Variants in HS1BP3 observed in about 807,000 individuals in gnomAD.
HS1BP3 encodes HCLS1 binding protein 3.
A neutral mutation model predicts 33.5 loss-of-function variants in HS1BP3; 32 were observed. The ratio of observed to expected loss-of-function variants is 0.95; its 90% confidence interval spans 0.72 to 1.28. The LOEUF (loss-of-function observed/expected upper bound fraction) is 1.28. Ranked by LOEUF, HS1BP3 falls within the 50% of genes most tolerant of loss-of-function variation. HS1BP3 has a pLI of 0.00. For missense variants in HS1BP3, 486 were observed against 502.3 expected, an observed-to-expected ratio of 0.97 and a Z score of 0.31; for synonymous variants, 187 against 209.2, an observed-to-expected ratio of 0.89 and a Z score of 0.92.
At chr2:20,578,322 T>G (rs1380051913) in intron 5 of HS1BP3, among the ~76,000 whole-genome samples, 1 of 152,162 alleles carries the variant, frequency 6.6e-6, no homozygotes, top group African/African-American at 2.4e-5. Flanking sequence ...CTCCATGGTT[T>G]TCAGGGCAGA....
chr2:20,565,441 C>T (rs55885563), intron 5 of HS1BP3, among the ~76,000 whole-genome samples: 5,843 of 152,292 alleles, frequency 0.038, 228 homozygotes, highest in African/African-American at 0.11. Flanking sequence ...CCCGCCAGAC[C>T]CTCTCCACAA....
chr2:20,641,285 G>T, intron 2 of HS1BP3, 105 bp from the exon 3 acceptor site: 1 of 997,620 alleles, frequency 1.0e-6, no homozygotes, highest in South Asian at 1.5e-5. Context: ...AAGGAAGTGT[G>T]CCAGGTACGC....
intron 5 of HS1BP3, among the ~76,000 whole-genome samples, chr2:20,582,802 G>A (rs931429671): frequency 1.3e-5 from 2 of 152,182 alleles, no homozygotes; most frequent in Non-Finnish European, 2.9e-5. Flanking sequence ...GGGAAGGGCA[G>A]TGTCACACAG....
intron 2 of HS1BP3, among the ~76,000 whole-genome samples, chr2:20,599,653 GTT>G (rs770228556): frequency 2.6e-5 from 3 of 116,206 alleles, no homozygotes; most frequent in African/African-American, 9.4e-5. Flanking sequence ...CACACACTCT[GTT>G]TTTTTTTTTT....
At position 20,574,149 on chromosome 2, in the gene HS1BP3, G is replaced by C. The variant is rs80012406; in HGVS notation, c.303-13634C>G. ...ATGCTGCGGTTCTCCTGACTTCTGA[G>C]TGCATCACAGTGAGGCCATCTGCCA... On this transcript the variant is annotated intron_variant, in intron 5 of 5. Transcript: ENST00000446825. Among the ~76,000 whole-genome samples the C allele has an allele frequency of 2.7e-3, 413 of 152,318 alleles. 1 individual carries two copies. Among genetic ancestry groups the C allele is most frequent in the Non-Finnish European group, 4.3e-3 (292 of 68,034 alleles).
chr2:20,637,309 A>G (rs1695166983), intron 4 of HS1BP3: 1 of 152,226 alleles, frequency 6.6e-6, no homozygotes, highest in Admixed American at 6.5e-5. Flanking sequence ...AAAGCCCAAG[A>G]AAGGCCTGCC....
chr2:20,650,990 G>C, intron 1 of HS1BP3, 42 bp downstream of exon 1: 1 of 1,232,014 alleles, frequency 8.1e-7, no homozygotes. Context: ...GGGCGCCCCG[G>C]ACTGCGAGCT....
intron 4 of HS1BP3, among the ~76,000 whole-genome samples, chr2:20,628,550 G>A (rs113648487): frequency 0.022 from 3,386 of 151,836 alleles, 146 homozygotes; most frequent in African/African-American, 0.078. Context: ...CATAAGAATC[G>A]CTTGAACCCC....
chr2:20,624,621 G>C (rs1426611605), intron 5 of HS1BP3, 111 bp downstream of exon 5: 35 of 1,017,694 alleles, frequency 3.4e-5, no homozygotes, highest in Non-Finnish European at 4.9e-5. Context: ...CATCTAAACA[G>C]GACAGGGGAG....
chr2:20,613,449 C>G (rs1694353329), downstream of HS1BP3, among the ~76,000 whole-genome samples: 1 of 152,188 alleles, frequency 6.6e-6, no homozygotes, highest in Non-Finnish European at 1.5e-5. Context: ...TCTGAACAGA[C>G]AGTGCTGGTC....
At chr2:20,643,134 G>A (rs182150629) in intron 2 of HS1BP3, among the ~76,000 whole-genome samples, 5 of 152,368 alleles carry the variant, frequency 3.3e-5, no homozygotes, top group African/African-American at 1.2e-4. Context: ...CCCATGGGGA[G>A]TAAAGGAGTT....
At chr2:20,590,808 G>T (rs1693795453), downstream of HS1BP3, 2 of 166,678 alleles carry the variant, frequency 1.2e-5, no homozygotes, top group African/African-American at 4.8e-5. Context: ...GCAATTTATT[G>T]TCTCCACTTG....
At chr2:20,617,213 C>T (rs1694447109), downstream of HS1BP3, among the ~76,000 whole-genome samples, 2 of 152,130 alleles carry the variant, frequency 1.3e-5, no homozygotes, top group Admixed American at 1.3e-4. Flanking sequence ...CGGAGGAAGA[C>T]CTGGCCCCAT....
chr2:20,600,418 G>C (rs1343306727), intron 2 of HS1BP3, among the ~76,000 whole-genome samples: 2 of 152,178 alleles, frequency 1.3e-5, no homozygotes, highest in African/African-American at 2.4e-5. Context: ...AGCAGGAGAT[G>C]TATCATGCTT....
At position 20,648,530 on chromosome 2, in the gene HS1BP3, TC is replaced by T. The variant is rs568381857; in HGVS notation, c.32+2501del. Among the ~76,000 whole-genome samples, 34 of 152,290 alleles carry T rather than the reference TC, an allele frequency of 2.2e-4. 1 individual carries two copies. The South Asian group carries it at 6.8e-3, about 31-fold the overall frequency. On this transcript the variant is annotated intron_variant, in intron 1 of 6. Coordinates refer to ENST00000304031, the MANE Select transcript of HS1BP3 (RefSeq NM_022460.4). ...GCTGGAGCACCCCCTCACTCTTGGTTCTTCTCTGCCCACCCTGGCCACTCTT... is the reference window on the plus strand; with the variant it reads ...GCTGGAGCACCCCCTCACTCTTGGTTTTCTCTGCCCACCCTGGCCACTCTT...
chr2:20,634,892 C>T (rs1695074666), intron 4 of HS1BP3: 1 of 152,252 alleles, frequency 6.6e-6, no homozygotes, highest in Non-Finnish European at 1.5e-5. Context: ...CTCCCCCTTC[C>T]AGGGAGTCTG....
chr2:20,643,949 T>C (rs1695437507), intron 2 of HS1BP3, among the ~76,000 whole-genome samples: 1 of 151,990 alleles, frequency 6.6e-6, no homozygotes. Flanking sequence ...AAAGGAAACA[T>C]TTGTGCTGTA....
chr2:20,622,066 CACA>C, intron 6 of HS1BP3: 1 of 726,108 alleles, frequency 1.4e-6, no homozygotes, highest in Non-Finnish European at 1.9e-6. Flanking sequence ...GGTGTGGCTG[CACA>C]GCCAGAAGGA....
intron 4 of HS1BP3, chr2:20,636,464 C>G (rs530458898): frequency 6.6e-6 from 1 of 152,284 alleles, no homozygotes; most frequent in South Asian, 2.1e-4. Context: ...GCTGCAGGAA[C>G]GTGGACGAAC....
Sources: allele counts gnomAD v4.1 joint callset (sites outside exome capture counted in the v4.1 genomes callset), GRCh38; gene constraint gnomAD v4.1.1; transcripts MANE v1.5; gene names NCBI Gene and HGNC (gene_info 2026-07-23, HGNC 2026-07-21).